BEST4: variants seen among roughly 807,000 people sequenced by gnomAD.
The protein encoded by BEST4 is bestrophin 4.
Under a neutral mutation model 47.1 loss-of-function variants are expected in BEST4, and 36 were observed. The observed-to-expected ratio is 0.76, with a 90% CI of 0.59 to 1.01. The LOEUF (loss-of-function observed/expected upper bound fraction) is 1.01. BEST4 is among the 50% of genes least tolerant of loss of function. BEST4 has a pLI of 0.00. For synonymous variants in BEST4, 250 were observed against 277.8 expected (o/e 0.90, Z 1.00); for missense variants, 550 against 648.6 (o/e 0.85, Z 1.65).
At position 44,786,257 on chromosome 1, in the gene BEST4, T is replaced by C. The variant is rs759288593; in HGVS notation, c.482-29A>G. The C allele has an allele frequency of 2.5e-6, 4 of 1,576,986 alleles. No individual in the cohort carries two copies. Among genetic ancestry groups the C allele is most frequent in the East Asian group, 4.5e-5 (2 of 44,374 alleles). On this transcript the variant is annotated intron_variant, in intron 3 of 8. Coordinates refer to ENST00000372207, the MANE Select transcript of BEST4 (RefSeq NM_153274.3). The surrounding 1 kb of genome is among the most constrained non-coding windows in gnomAD (Gnocchi z 4.9). Reference sequence around the variant, plus strand: ...AGGGGGTAAAGCAGGTGGGGTGCAGTTGCACCCTCTGCCGCCAGGGGAGGC... The same window carrying C: ...AGGGGGTAAAGCAGGTGGGGTGCAGCTGCACCCTCTGCCGCCAGGGGAGGC...
chr1:44,785,294 T>C lies in BEST4; in HGVS notation c.726A>G (p.Ile242Met). ...IPLVYTQVVTIAVYSFFALSL... is the reference protein window; with the variant it reads ...IPLVYTQVVTMAVYSFFALSL... ...AGAGGGCAAAGAAAGAGTAGACGGC[T>C]ATGGTCACCACCTGGAGAATGAAGA... The change falls in exon 6 of 9, where the codon ATA (isoleucine) becomes ATG (methionine). Residue 242 changes from isoleucine (I) to methionine (M), a missense_variant. Coordinates refer to ENST00000372207, the MANE Select transcript of BEST4 (RefSeq NM_153274.3). 1.3e-6 allele frequency: 2 copies of C among 1,599,308 alleles called. No homozygotes were observed. The highest frequency in any genetic ancestry group is 8.5e-7 in the Non-Finnish European group (1 of 1,172,066).
chr1:44,786,346 G>A lies in BEST4; in HGVS notation c.481+117C>T, dbSNP rs913580777. 4.1e-6 allele frequency: 6 copies of A among 1,452,690 alleles called. No individual in the cohort carries two copies. Among genetic ancestry groups the A allele is most frequent in the Non-Finnish European group, 9.2e-7 (1 of 1,084,120 alleles). The allele number at this position is 1,452,690 out of a possible 1,614,324, so 90.0% of individuals were successfully genotyped here. A position where few individuals can be genotyped will look rare whatever the true frequency, so the allele number is the denominator to read the frequency against. ...CGGCTGTCCCAGGACTCGCGGTTCC[G>A]CGTTCCTGTCGCAGTCCAGACCCTT... On this transcript the variant is annotated intron_variant, in intron 3 of 8. Transcript: ENST00000372207. The surrounding 1 kb of genome is among the most constrained non-coding windows in gnomAD (Gnocchi z 4.9).
chr1:44,783,509 G>A (rs1006342141), downstream of BEST4: 5 of 152,106 alleles, frequency 3.3e-5, no homozygotes, highest in Non-Finnish European at 7.4e-5. Flanking sequence ...CTGCATGCAT[G>A]CCAATTCAAT....
At position 44,783,758 on chromosome 1, in the gene BEST4, C is replaced by T. The variant is rs1238261388; in HGVS notation, c.*452G>A. ...CAAATTGTGTTTCCTGGACAAGCAGCACAGCATCACCTGGGAACTTGTTAG... is the reference window on the plus strand; with the variant it reads ...CAAATTGTGTTTCCTGGACAAGCAGTACAGCATCACCTGGGAACTTGTTAG... On this transcript the variant is annotated 3_prime_UTR_variant, in exon 9 of 9. Coordinates refer to ENST00000372207, the MANE Select transcript of BEST4 (RefSeq NM_153274.3). 2 of 155,952 alleles carry T rather than the reference C, an allele frequency of 1.3e-5. No individual in the cohort carries two copies. The highest frequency in any genetic ancestry group is 2.8e-5 in the Non-Finnish European group (2 of 70,816). 9.7% of individuals were successfully genotyped at this position (155,952 alleles called of 1,614,324 possible).
At chr1:44,782,671 A>AATAG (rs201645485), downstream of BEST4, among the ~76,000 whole-genome samples, 6 of 149,096 alleles carry the variant, frequency 4.0e-5, no homozygotes, top group Non-Finnish European at 5.9e-5. Flanking sequence ...TAAATAAATA[A>AATAG]GAAATATTCA....
In BEST4 at chr1:44,786,382, C is replaced by T. The variant is rs945011120; in HGVS notation, c.481+81G>A. On this transcript the variant is annotated intron_variant, in intron 3 of 8. Coordinates refer to ENST00000372207, the MANE Select transcript of BEST4 (RefSeq NM_153274.3). The surrounding 1 kb of genome is among the most constrained non-coding windows in gnomAD (Gnocchi z 4.9). ...GCAGTCCAGACCCTTCCCTGGAGGCCCCTGCTCCCAGGACTCTCCCAGGCG... is the reference window on the plus strand; with the variant it reads ...GCAGTCCAGACCCTTCCCTGGAGGCTCCTGCTCCCAGGACTCTCCCAGGCG... 1.7e-5 allele frequency: 24 copies of T among 1,426,918 alleles called. No homozygotes were observed. The highest frequency in any genetic ancestry group is 2.2e-5 in the Non-Finnish European group (24 of 1,071,834). The allele number at this position is 1,426,918 out of a possible 1,614,324, so 88.4% of individuals were successfully genotyped here.
In BEST4 at chr1:44,786,609, G is replaced by C; in HGVS notation, c.335C>G (p.Ala112Gly). The C allele has an allele frequency of 6.4e-7, 1 of 1,551,402 alleles. No individual in the cohort carries two copies. The highest frequency in any genetic ancestry group is 8.7e-7 in the Non-Finnish European group (1 of 1,147,006). The change falls in exon 3 of 9, where the codon GCT becomes GGT. Residue 112 changes from alanine (A) to glycine (G), a missense_variant. Coordinates refer to ENST00000372207, the MANE Select transcript of BEST4 (RefSeq NM_153274.3). This position sits in a 1 kb window ranked among gnomAD's most constrained non-coding sequence, Gnocchi z 4.9. ...LPDQLMCVIS[A>G]SVHGVDQRGR... The stretch of plus-strand genomic sequence containing the variant: ...CCGCTGGTCCACGCCGTGCACGCTA[G>C]CCGAGATGACGCACATCAGCTGGTC...
chr1:44,789,264 GAA>G (rs1651346292), upstream of BEST4, among the ~76,000 whole-genome samples: 1 of 112,514 alleles, frequency 8.9e-6, no homozygotes, highest in Non-Finnish European at 2.1e-5. Context: ...AAAAAGAAAA[GAA>G]AGAAAGAAAA....
At position 44,787,587 on chromosome 1, in the gene BEST4, C is replaced by G. The variant is rs370982160; in HGVS notation, c.119G>C (p.Gly40Ala). The G allele has an allele frequency of 4.2e-5, 67 of 1,614,058 alleles. No individual in the cohort carries two copies. The highest frequency in any genetic ancestry group is 5.6e-5 in the Non-Finnish European group (66 of 1,180,040). Reference sequence around the variant, plus strand: ...GATGCTAAGCACAGCGTACAAGGCCCCAAAGAGGAGGAATTCCTTGTAGAG... The same window carrying G: ...GATGCTAAGCACAGCGTACAAGGCCGCAAAGAGGAGGAATTCCTTGTAGAG... Reference protein sequence around the residue: ...KLLYKEFLLFGALYAVLSITY... With the variant: ...KLLYKEFLLFAALYAVLSITY... Residue 40 changes from glycine to alanine, a missense_variant, in exon 1 of 9, where the codon GGG becomes GCG. Gly to Ala is a moderately conservative substitution (Grantham distance 60, BLOSUM62 0). Transcript: ENST00000372207.
At chr1:44,785,045 C>T (rs369961513) in intron 6 of BEST4, 60 bp from the exon 7 acceptor site, 62 of 1,609,942 alleles carry the variant, frequency 3.9e-5, no homozygotes, top group Non-Finnish European at 4.8e-5. Flanking sequence ...TCCCCAAAGT[C>T]GGGGCAGCCC....
At position 44,783,686 on chromosome 1, in the gene BEST4, G is replaced by A. The variant is rs1299614037; in HGVS notation, c.*524C>T. On this transcript the variant is annotated 3_prime_UTR_variant, in exon 9 of 9. Coordinates refer to ENST00000372207, the MANE Select transcript of BEST4 (RefSeq NM_153274.3). ...CACACTGACCCTTCTTTTGAGTAAGGTTACCAGGGTAAGGTATACCCCTTC... is the reference window on the plus strand; with the variant it reads ...CACACTGACCCTTCTTTTGAGTAAGATTACCAGGGTAAGGTATACCCCTTC... The A allele has an allele frequency of 2.0e-5, 3 of 152,632 alleles. No homozygotes were observed. The highest frequency in any genetic ancestry group is 7.2e-5 in the African/African-American group (3 of 41,428). 9.5% of individuals were successfully genotyped at this position (152,632 alleles called of 1,614,324 possible).
rs1282644027 is a variant in BEST4 at position 44,784,229 on chromosome 1, TC to T, written c.1402del (p.Asp468ThrfsTer52). On this transcript the variant is annotated frameshift_variant, in exon 9 of 9. Coordinates refer to ENST00000372207, the MANE Select transcript of BEST4 (RefSeq NM_153274.3). LOFTEE classifies it high-confidence loss of function. The surrounding 1 kb of genome is among the most constrained non-coding windows in gnomAD (Gnocchi z 6.2). The stretch of plus-strand genomic sequence containing the variant: ...GAGACCTCAGGGCTCCAGGGCCTCG[TC>T]CCCGGACTCCGCCGATTCCTCCTCG... Reference protein sequence around the residue: ...RIEEESAESGDEALEP With the variant: ...RIEEESAESGXEALEP The T allele has an allele frequency of 2.1e-6, 3 of 1,448,948 alleles. No homozygotes were observed. The highest frequency in any genetic ancestry group is 1.4e-5 in the South Asian group (1 of 72,748). The allele number at this position is 1,448,948 out of a possible 1,614,324, so 89.8% of individuals were successfully genotyped here.
upstream of BEST4, among the ~76,000 whole-genome samples, chr1:44,791,882 A>G (rs938398710): frequency 2.0e-5 from 3 of 152,076 alleles, no homozygotes; most frequent in Non-Finnish European, 4.4e-5. Flanking sequence ...TCCCAAGTCC[A>G]TGCTTCACCA....
Position 44,786,101 on chromosome 1 carries a change from G to A in BEST4, c.609C>T (p.Asp203=). Residue 203 remains aspartate, a synonymous_variant, in exon 4 of 9, where the codon GAC becomes GAT. Coordinates refer to ENST00000372207, the MANE Select transcript of BEST4 (RefSeq NM_153274.3). The surrounding 1 kb of genome is among the most constrained non-coding windows in gnomAD (Gnocchi z 4.9). ...AQARRDGRIR[D]DIALCLLLEE... is the part of the protein sequence containing the mutation. ...CCAAAAGTAGACAGAGAGCGATATC[G>A]TCACGTATTCGCCCGTCCCTCCGGG... 1 of 1,612,382 alleles carries A rather than the reference G, an allele frequency of 6.2e-7. No homozygotes were observed. The highest frequency in any genetic ancestry group is 8.5e-7 in the Non-Finnish European group (1 of 1,179,386).
rs1573596158 is a variant in BEST4 at position 44,784,299 on chromosome 1, A to C, written c.1333T>G (p.Phe445Val). ...GGGTCGCCGCCCTCCTCCGCCCGGAAGCGCAGCAGATGCGGGGGGCGGGGG... is the reference window on the plus strand; with the variant it reads ...GGGTCGCCGCCCTCCTCCGCCCGGACGCGCAGCAGATGCGGGGGGCGGGGG... ...GTPRPPHLLRFRAEEGGDPEA... is the reference protein window; with the variant it reads ...GTPRPPHLLRVRAEEGGDPEA... The change falls in exon 9 of 9, where the codon TTC becomes GTC. Residue 445 changes from phenylalanine to valine, a missense_variant. Around this residue, in one of 3 missense-constraint regions of BEST4, gnomAD observed 255 missense variants for 286.6 expected, o/e 0.89. Transcript: ENST00000372207. This position sits in a 1 kb window ranked among gnomAD's most constrained non-coding sequence, Gnocchi z 6.2. 7.1e-7 allele frequency: 1 copy of C among 1,409,590 alleles called. No individual in the cohort carries two copies. The highest frequency in any genetic ancestry group is 1.5e-5 in the South Asian group (1 of 65,322). The allele number at this position is 1,409,590 out of a possible 1,614,324, so 87.3% of individuals were successfully genotyped here.
chr1:44,788,038 C>T lies in BEST4; in HGVS notation c.-333G>A, dbSNP rs374456951. 9.8e-5 allele frequency among the ~76,000 whole-genome samples: 15 copies of T among 152,338 alleles called. No individual in the cohort carries two copies. In the East Asian group the frequency reaches 2.9e-3, roughly 29 times the overall value. On this transcript the variant is annotated 5_prime_UTR_variant, in exon 1 of 9. Coordinates refer to ENST00000372207, the MANE Select transcript of BEST4 (RefSeq NM_153274.3). The stretch of plus-strand genomic sequence containing the variant: ...GCGGACAAGAGACGCAGCTCCAGCC[C>T]AAATCCACTGCTATTCCTTGGGGCC...
chr1:44,792,734 T>C (rs1332536426), upstream of BEST4, among the ~76,000 whole-genome samples: 3 of 151,824 alleles, frequency 2.0e-5, no homozygotes, highest in African/African-American at 7.3e-5. Context: ...GACCTGACAC[T>C]CAAGAGATTC....
chr1:44,787,278 G>A (rs145723563), intron 2 of BEST4, 94 bp downstream of exon 2: 2 of 1,232,780 alleles, frequency 1.6e-6, no homozygotes, highest in Non-Finnish European at 2.4e-6. Context: ...CACACCATCT[G>A]TTGGGTAATT....
At chr1:44,792,491 G>A (rs973990617), upstream of BEST4, among the ~76,000 whole-genome samples, 1 of 151,414 alleles carries the variant, frequency 6.6e-6, no homozygotes. Context: ...ACATGGAGTC[G>A]TTGCGCATAT....
Sources: gnomAD v4.1 joint callset for allele counts (sites outside exome capture counted in the v4.1 genomes callset) on GRCh38, gnomAD v4.1.1 for gene constraint, gnomAD v4.1.1 regional missense constraint, Gnocchi (gnomAD v3.1) non-coding constraint, MANE v1.5 for transcripts, NCBI Gene and HGNC (gene_info 2026-07-23, HGNC 2026-07-21) for gene names.